Variants in PPP1R16B observed in about 807,000 individuals in gnomAD.
PPP1R16B encodes protein phosphatase 1 regulatory subunit 16B.
A neutral mutation model predicts 61.7 loss-of-function variants in PPP1R16B; 14 were observed. The ratio of observed to expected loss-of-function variants is 0.23; its 90% CI spans 0.15 to 0.35. The LOEUF is 0.35. Among genes scored for constraint, PPP1R16B ranks in the 10% least tolerant of loss-of-function variants. PPP1R16B has a pLI of 1.00. For missense variants in PPP1R16B, 547 were observed against 752.5 expected (o/e 0.73, Z 3.19); for synonymous variants, 266 against 305.3 (o/e 0.87, Z 1.34).
intron 1 of PPP1R16B, among the ~76,000 whole-genome samples, chr20:38,810,570 C>T (rs2084694281): frequency 6.6e-6 from 1 of 152,228 alleles, no homozygotes; most frequent in Admixed American, 6.5e-5. Flanking sequence ...CACCTCTGCA[C>T]TTGTTTCTCT....
At chr20:38,805,926 G>C (rs901641533) in intron 1 of PPP1R16B, 134 bp downstream of exon 1, 1 of 151,922 alleles carries the variant, frequency 6.6e-6, no homozygotes. Flanking sequence ...GCCAAGGGAC[G>C]ATAGCTTGAG....
intron 2 of PPP1R16B, among the ~76,000 whole-genome samples, chr20:38,853,992 T>G (rs1288150517): frequency 6.6e-6 from 1 of 152,206 alleles, no homozygotes; most frequent in Non-Finnish European, 1.5e-5. Context: ...GGGAAGAGTC[T>G]ATACAAGCGC....
At chr20:38,823,080 G>C (rs2084782766) in intron 1 of PPP1R16B, among the ~76,000 whole-genome samples, 1 of 152,156 alleles carries the variant, frequency 6.6e-6, no homozygotes. Context: ...GAGGAACTTT[G>C]GCTGGAGATC....
At chr20:38,842,471 C>A (rs1349830117) in intron 2 of PPP1R16B, among the ~76,000 whole-genome samples, 3 of 152,092 alleles carry the variant, frequency 2.0e-5, no homozygotes, top group African/African-American at 7.2e-5. Flanking sequence ...AATTCTCATT[C>A]AAAAAATGTT....
chr20:38,918,509 G>T lies in PPP1R16B; in HGVS notation c.1547G>T (p.Gly516Val). ...MARTGESSSE[G>V]KAPLIGGRTS... ...AGGACGGGCGAGAGTAGCAGTGAAGGCAAGGCCCCCTTGATCGGAGGCAGA... is the reference window on the plus strand; with the variant it reads ...AGGACGGGCGAGAGTAGCAGTGAAGTCAAGGCCCCCTTGATCGGAGGCAGA... The change falls in exon 11 of 11, where the codon GGC (glycine) becomes GTC (valine). Residue 516 changes from glycine (G) to valine (V), a missense_variant. Coordinates refer to ENST00000299824, the MANE Select transcript of PPP1R16B (RefSeq NM_015568.4). This position sits in a 1 kb window ranked among gnomAD's most constrained non-coding sequence, Gnocchi z 5.3. The T allele has an allele frequency of 6.2e-7, 1 of 1,602,574 alleles. No homozygotes were observed. The highest frequency in any genetic ancestry group is 8.5e-7 in the Non-Finnish European group (1 of 1,172,326).
intron 4 of PPP1R16B, among the ~76,000 whole-genome samples, chr20:38,900,000 G>A (rs1341521343): frequency 2.0e-5 from 3 of 151,992 alleles, no homozygotes; most frequent in Non-Finnish European, 4.4e-5. Flanking sequence ...TTCTATGTCG[G>A]CTAGGCTGGT....
intron 1 of PPP1R16B, among the ~76,000 whole-genome samples, chr20:38,815,627 T>G (rs2084730671): frequency 6.6e-6 from 1 of 152,270 alleles, no homozygotes; most frequent in African/African-American, 2.4e-5. Flanking sequence ...AGTGTATGAC[T>G]GTTTCCCCCA....
intron 2 of PPP1R16B, chr20:38,837,997 A>T (rs1428828986): frequency 1.3e-5 from 2 of 152,268 alleles, no homozygotes; most frequent in African/African-American, 4.8e-5. Flanking sequence ...AGATGGGGGA[A>T]TTGAAACTCA....
intron 1 of PPP1R16B, among the ~76,000 whole-genome samples, chr20:38,815,761 C>G (rs1466347431): frequency 3.3e-5 from 5 of 152,164 alleles, no homozygotes; most frequent in Admixed American, 3.3e-4. Flanking sequence ...TGGATTATGC[C>G]TACATAATGA....
chr20:38,895,703 G>T lies in PPP1R16B; in HGVS notation c.460G>T (p.Val154Phe), dbSNP rs1258270176. Residue 154 changes from valine (V) to phenylalanine (F), a missense_variant, in exon 4 of 11, where the codon GTT (valine) becomes TTT (phenylalanine). By Grantham distance (50) the Val-to-Phe change is conservative. Transcript: ENST00000299824. ...CGHINLVKIL[V>F]QYGADLLAVN... ...CCACATCAACCTGGTGAAGATCCTCGTTCAGTAGTACGTGCCCCTCCCTGC... is the reference window on the plus strand; with the variant it reads ...CCACATCAACCTGGTGAAGATCCTCTTTCAGTAGTACGTGCCCCTCCCTGC... 2 of 1,613,864 alleles carry T rather than the reference G, an allele frequency of 1.2e-6. No individual in the cohort carries two copies. Among genetic ancestry groups the T allele is most frequent in the African/African-American group, 2.7e-5 (2 of 74,874 alleles).
chr20:38,893,336 C>A (rs541032577), intron 3 of PPP1R16B, among the ~76,000 whole-genome samples: 1 of 152,224 alleles, frequency 6.6e-6, no homozygotes, highest in South Asian at 2.1e-4. Context: ...GCTTCCCATG[C>A]CTGGCAAAGG....
intron 4 of PPP1R16B, among the ~76,000 whole-genome samples, chr20:38,896,113 T>C (rs1601298588): frequency 9.5e-6 from 1 of 104,962 alleles, no homozygotes; most frequent in Admixed American, 9.6e-5. Context: ...CTCCCCTCCC[T>C]TCCTTCTTTC....
At chr20:38,822,022 C>T (rs911469253) in intron 1 of PPP1R16B, among the ~76,000 whole-genome samples, 3 of 146,660 alleles carry the variant, frequency 2.0e-5, no homozygotes, top group African/African-American at 7.4e-5. Flanking sequence ...ATTATATTTA[C>T]ATTATATATA....
At chr20:38,829,435 C>T (rs2084823387) in intron 1 of PPP1R16B, among the ~76,000 whole-genome samples, 1 of 152,214 alleles carries the variant, frequency 6.6e-6, no homozygotes, top group African/African-American at 2.4e-5. Flanking sequence ...CTTGTGGGCC[C>T]ATGTATCCCA....
At chr20:38,834,771 T>C (rs1294317294) in intron 1 of PPP1R16B, among the ~76,000 whole-genome samples, 1 of 152,086 alleles carries the variant, frequency 6.6e-6, no homozygotes, top group African/African-American at 2.4e-5. Flanking sequence ...CCATGATATA[T>C]TATAACAATA....
chr20:38,908,149 G>C lies in PPP1R16B; in HGVS notation c.1150G>C (p.Gly384Arg). The C allele has an allele frequency of 6.2e-7, 1 of 1,614,226 alleles. No homozygotes were observed. Among genetic ancestry groups the C allele is most frequent in the Non-Finnish European group, 8.5e-7 (1 of 1,180,034 alleles). ...AEDQRTSTYNGDIRETRTDQE... is the reference protein window; with the variant it reads ...AEDQRTSTYNRDIRETRTDQE... ...GGATCAGCGGACCTCCACCTACAAC[G>C]GGGACATCAGGGAGACCAGGACAGA... is the stretch of plus-strand genomic sequence containing the variant. The change falls in exon 10 of 11, where the codon GGG (glycine) becomes CGG (arginine). Residue 384 changes from glycine (G) to arginine (R), a missense_variant. Gly to Arg is a moderately radical substitution (Grantham distance 125). Coordinates refer to ENST00000299824, the MANE Select transcript of PPP1R16B (RefSeq NM_015568.4).
rs1216368896 is a variant in PPP1R16B at position 38,920,683 on chromosome 20, A to G, written c.*2017A>G. On this transcript the variant is annotated 3_prime_UTR_variant, in exon 11 of 11. Transcript: ENST00000299824. The stretch of plus-strand genomic sequence containing the variant: ...TGCTGGAAGGGGAGAGGTTCTCAGC[A>G]TCAGGCCACCTCCACCCCAATGCCA... The G allele has an allele frequency of 6.6e-6, 1 of 152,412 alleles. No homozygotes were observed. Among genetic ancestry groups the G allele is most frequent in the Non-Finnish European group, 1.5e-5 (1 of 68,226 alleles). 9.4% of individuals were successfully genotyped at this position (152,412 alleles called of 1,614,324 possible).
chr20:38,821,844 G>A (rs1266017797), intron 1 of PPP1R16B, among the ~76,000 whole-genome samples: 1 of 151,628 alleles, frequency 6.6e-6, no homozygotes, highest in Non-Finnish European at 1.5e-5. Flanking sequence ...CTTGAGATTG[G>A]TCTCCATTGA....
At chr20:38,891,014 C>G (rs1488082830) in intron 3 of PPP1R16B, among the ~76,000 whole-genome samples, 1 of 152,240 alleles carries the variant, frequency 6.6e-6, no homozygotes, top group African/African-American at 2.4e-5. Flanking sequence ...AACTCCCAGA[C>G]TCCCAGCTCC....
Sources: allele counts gnomAD v4.1 joint callset (sites outside exome capture counted in the v4.1 genomes callset), GRCh38; gene constraint gnomAD v4.1.1; non-coding constraint Gnocchi (gnomAD v3.1); transcripts MANE v1.5; gene names NCBI Gene and HGNC (gene_info 2026-07-23, HGNC 2026-07-21).